NFU1: variants seen among roughly 807,000 people sequenced by gnomAD.
The protein encoded by NFU1 is NFU1 iron-sulfur cluster scaffold.
A neutral mutation model predicts 32.2 loss-of-function variants in NFU1; 30 were observed. The observed-to-expected ratio is 0.93, with a 90% CI of 0.70 to 1.26. The LOEUF (loss-of-function observed/expected upper bound fraction) is 1.26. NFU1 is among the 50% of genes most tolerant of loss of function. The pLI, the probability that NFU1 is intolerant of heterozygous loss-of-function variation, is 0.00. For missense variants in NFU1, 306 were observed against 306.6 expected (o/e 1.00, Z 0.02); for synonymous variants, 112 against 104.6 (o/e 1.07, Z -0.43).
chr2:69,423,897 G>A (rs566057363), intron 2 of NFU1, among the ~76,000 whole-genome samples, 180 bp from the exon 3 acceptor site: 11 of 152,034 alleles, frequency 7.2e-5, no homozygotes, highest in East Asian at 1.9e-4. Context: ...CCATAGAGCC[G>A]GGCGCAGTGG....
chr2:69,411,583 G>A (rs1375333444), intron 5 of NFU1, among the ~76,000 whole-genome samples: 1 of 152,104 alleles, frequency 6.6e-6, no homozygotes, highest in Non-Finnish European at 1.5e-5. Flanking sequence ...TATATACAGA[G>A]AGAATGAGAC....
chr2:69,437,505 CA>C (rs1673893999), upstream of NFU1: 1 of 1,525,148 alleles, frequency 6.6e-7, no homozygotes, highest in Admixed American at 1.9e-5. Flanking sequence ...GCTGGGCGGG[CA>C]CTGGGAAGAG....
At chr2:69,412,493 TCTTC>T (rs1277602919) in intron 5 of NFU1, among the ~76,000 whole-genome samples, 12 of 150,838 alleles carry the variant, frequency 8.0e-5, no homozygotes, top group Non-Finnish European at 1.2e-4. Flanking sequence ...TTCAAGCAAT[TCTTC>T]TGCCCCAGCC....
At chr2:69,423,821 T>C in intron 2 of NFU1, 104 bp from the exon 3 acceptor site, 1 of 872,410 alleles carries the variant, frequency 1.1e-6, no homozygotes, top group South Asian at 1.5e-5. Context: ...TAAGAAAAAC[T>C]GGGGAAAAAC....
chr2:69,419,683 GT>G, intron 3 of NFU1, 79 bp from the exon 4 acceptor site: 1 of 859,318 alleles, frequency 1.2e-6, no homozygotes. Flanking sequence ...GTAGAGAAAA[GT>G]AAAAAATTCT....
At chr2:69,433,150 C>CAAA (rs762607918) in intron 1 of NFU1, among the ~76,000 whole-genome samples, 6 of 98,358 alleles carry the variant, frequency 6.1e-5, no homozygotes, top group Non-Finnish European at 7.9e-5. Context: ...ACTCCATCTC[C>CAAA]AAAAAAAAAA....
chr2:69,402,145 T>C (rs1672543215), intron 6 of NFU1, among the ~76,000 whole-genome samples: 1 of 152,204 alleles, frequency 6.6e-6, no homozygotes, highest in Admixed American at 6.5e-5. Flanking sequence ...TCCGCTCACC[T>C]CAGCCTCCCA....
intron 7 of NFU1, chr2:69,399,359 A>C: frequency 2.2e-6 from 1 of 456,068 alleles, no homozygotes; most frequent in South Asian, 1.6e-5. Context: ...ATTATTACTG[A>C]TGACAAGGTG....
chr2:69,410,105 A>G (rs1430336691), intron 5 of NFU1, among the ~76,000 whole-genome samples: 1 of 152,078 alleles, frequency 6.6e-6, no homozygotes, highest in Non-Finnish European at 1.5e-5. Context: ...AAACAGATAC[A>G]GGGTCGAGTG....
At chr2:69,423,212 G>GA (rs1673312482) in intron 3 of NFU1, among the ~76,000 whole-genome samples, 1 of 111,246 alleles carries the variant, frequency 9.0e-6, no homozygotes, top group African/African-American at 3.6e-5. Flanking sequence ...TGTGTGTGGG[G>GA]GGGGGCGGGT....
chr2:69,430,524 T>C (rs1006193418), intron 2 of NFU1, among the ~76,000 whole-genome samples: 1 of 152,112 alleles, frequency 6.6e-6, no homozygotes. Context: ...TATTTTTTCC[T>C]ATTATGCTTG....
At chr2:69,422,536 C>T (rs541314742) in intron 3 of NFU1, among the ~76,000 whole-genome samples, 10 of 152,136 alleles carry the variant, frequency 6.6e-5, no homozygotes, top group African/African-American at 2.2e-4. Flanking sequence ...ATAAAATAAG[C>T]AAGTTCTCAT....
intron 3 of NFU1, among the ~76,000 whole-genome samples, chr2:69,423,243 AGTGT>A (rs772105664): frequency 0.012 from 1,080 of 87,998 alleles, 26 homozygotes; most frequent in African/African-American, 0.034. Flanking sequence ...TCTCTGTGTG[AGTGT>A]GTGTGTGTGT....
intron 2 of NFU1, 72 bp downstream of exon 2, chr2:69,431,830 T>C (rs774853495): frequency 9.6e-6 from 9 of 939,800 alleles, no homozygotes; most frequent in Non-Finnish European, 1.6e-5. Flanking sequence ...TCATCTTTTA[T>C]GATCCACAAA....
intron 2 of NFU1, among the ~76,000 whole-genome samples, chr2:69,428,676 C>T (rs1673543603): frequency 6.6e-6 from 1 of 152,142 alleles, no homozygotes; most frequent in African/African-American, 2.4e-5. Flanking sequence ...CCTTATCTAA[C>T]ATTGCCAGGC....
intron 2 of NFU1, among the ~76,000 whole-genome samples, chr2:69,431,334 C>G (rs951088988): frequency 6.6e-6 from 1 of 152,092 alleles, no homozygotes; most frequent in Non-Finnish European, 1.5e-5. Context: ...GAGACAGGGT[C>G]CCACTTTGTC....
chr2:69,399,310 G>T, intron 7 of NFU1: 1 of 449,058 alleles, frequency 2.2e-6, no homozygotes, highest in Non-Finnish European at 4.5e-6. Flanking sequence ...CTCTCCATAA[G>T]GCCATGCTTT....
chr2:69,430,314 G>C (rs1673597748), intron 2 of NFU1, among the ~76,000 whole-genome samples: 1 of 151,774 alleles, frequency 6.6e-6, no homozygotes, highest in Non-Finnish European at 1.5e-5. Flanking sequence ...CTAGGCTCAA[G>C]TGATTCTCCC....
chr2:69,416,928 T>G (rs1673075785), intron 4 of NFU1, among the ~76,000 whole-genome samples: 1 of 151,776 alleles, frequency 6.6e-6, no homozygotes, highest in African/African-American at 2.4e-5. Flanking sequence ...AATATAGAGA[T>G]AGTACATAAA....
Sources: allele counts gnomAD v4.1 joint callset (sites outside exome capture counted in the v4.1 genomes callset), GRCh38; gene constraint gnomAD v4.1.1; transcripts MANE v1.5; gene names NCBI Gene and HGNC (gene_info 2026-07-23, HGNC 2026-07-21).